FAM83F: variants seen among roughly 807,000 people sequenced by gnomAD.
FAM83F encodes the protein protein FAM83F.
In FAM83F, 45 loss-of-function variants were observed where a neutral mutation model predicts 42.9. That is an observed-to-expected ratio of 1.05 (90% CI 0.83 to 1.35). The LOEUF (loss-of-function observed/expected upper bound fraction) is 1.35, where lower values mean the gene tolerates loss of function less well. Among genes scored for constraint, FAM83F ranks in the 40% most tolerant of loss-of-function variants. The probability of loss-of-function intolerance (pLI) is 0.00; values close to 1 mark genes in which losing one functional copy is unlikely to be tolerated. For synonymous variants in FAM83F, 306 were observed against 298.3 expected, an observed-to-expected ratio of 1.03 and a Z score of -0.27; for missense variants, 617 against 695.9, an observed-to-expected ratio of 0.89 and a Z score of 1.28.
chr22:40,021,282 G>A lies in FAM83F; in HGVS notation c.780-8G>A, dbSNP rs1385858230. ...ATGTGTCTTGCTTTTCTGTCCCCACGTTCCCAGGTTCACCTGGAGTTCCTC... is the reference window on the plus strand; with the variant it reads ...ATGTGTCTTGCTTTTCTGTCCCCACATTCCCAGGTTCACCTGGAGTTCCTC... On this transcript the variant is annotated splice_polypyrimidine_tract_variant and splice_region_variant and intron_variant, in intron 3 of 4. Coordinates refer to ENST00000333407, the MANE Select transcript of FAM83F (RefSeq NM_138435.4). The surrounding 1 kb of genome is among the most constrained non-coding windows in gnomAD (Gnocchi z 8.7). The A allele has an allele frequency of 7.2e-6, 11 of 1,528,886 alleles. No homozygotes were observed. Among genetic ancestry groups the A allele is most frequent in the African/African-American group, 4.1e-5 (3 of 72,538 alleles). 94.7% of individuals were successfully genotyped at this position (1,528,886 alleles called of 1,614,324 possible). A position where few individuals can be genotyped will look rare whatever the true frequency, so the allele number is the denominator to read the frequency against.
chr22:40,020,177 G>A (rs2067512165), intron 3 of FAM83F, among the ~76,000 whole-genome samples, 169 bp downstream of exon 3: 1 of 152,150 alleles, frequency 6.6e-6, no homozygotes, highest in Admixed American at 6.6e-5. Context: ...CTTCCTGGTT[G>A]ATGGATTATT....
At chr22:40,007,621 C>CCTCCT (rs1196900924) in intron 1 of FAM83F, among the ~76,000 whole-genome samples, 9 of 116,822 alleles carry the variant, frequency 7.7e-5, no homozygotes, top group African/African-American at 2.1e-4. Context: ...CTCCTCTCTT[C>CCTCCT]CTCCTCTCCT....
At position 40,043,317 on chromosome 22, in the gene FAM83F, T is replaced by A. The variant is rs866341707; in HGVS notation, c.*13752T>A. 5 of 152,188 alleles carry A rather than the reference T, an allele frequency of 3.3e-5. No homozygotes were observed. Among genetic ancestry groups the A allele is most frequent in the Non-Finnish European group, 7.3e-5 (5 of 68,032 alleles). The allele number at this position is 152,188 out of a possible 1,614,324, so 9.4% of individuals were successfully genotyped here. On this transcript the variant is annotated 3_prime_UTR_variant, in exon 5 of 5. Coordinates refer to ENST00000333407, the MANE Select transcript of FAM83F (RefSeq NM_138435.4). Reference sequence around the variant, plus strand: ...TCCAGCGTTGTGCTCCTGGAGATCATTTCGGTCGCAAAAGCTCACTGGCAA... The same window carrying A: ...TCCAGCGTTGTGCTCCTGGAGATCAATTCGGTCGCAAAAGCTCACTGGCAA...
At chr22:40,012,672 A>G (rs2145715479) in intron 1 of FAM83F, among the ~76,000 whole-genome samples, 1 of 151,734 alleles carries the variant, frequency 6.6e-6, no homozygotes, top group Non-Finnish European at 1.5e-5. Flanking sequence ...CGGGAGGCTG[A>G]GGCACAAGAA....
At position 40,036,453 on chromosome 22, in the gene FAM83F, T is replaced by G. The variant is rs2067624501; in HGVS notation, c.*6888T>G. 6.6e-6 allele frequency: 1 copy of G among 152,246 alleles called. No homozygotes were observed. The highest frequency in any genetic ancestry group is 2.4e-5 in the African/African-American group (1 of 41,468). 9.4% of individuals were successfully genotyped at this position (152,246 alleles called of 1,614,324 possible). On this transcript the variant is annotated 3_prime_UTR_variant, in exon 5 of 5. Coordinates refer to ENST00000333407, the MANE Select transcript of FAM83F (RefSeq NM_138435.4). ...TCATCCTTAGAGGGCTGCGGTCTTA[T>G]CTGGTTGTGCAAAAGTCCCACAACC...
intron 1 of FAM83F, among the ~76,000 whole-genome samples, chr22:40,013,164 C>T (rs532970618): frequency 6.1e-4 from 91 of 149,346 alleles, no homozygotes; most frequent in Non-Finnish European, 9.9e-4. Context: ...ATGGTTTGTG[C>T]ATTTAAGAGA....
chr22:40,017,235 T>TTC (rs1228947917), intron 1 of FAM83F, among the ~76,000 whole-genome samples: 1 of 148,750 alleles, frequency 6.7e-6, no homozygotes, highest in African/African-American at 2.5e-5. Context: ...CTTTTTTTTT[T>TTC]TTTTTTTTTT....
chr22:39,995,663 C>CAGGAAGTAGGGGCGGG lies in FAM83F; in HGVS notation c.489+132_489+133insAGGAAGTAGGGGCGGG. ...CTGGAAAATGGGCCCCAACCCGCCC[C>CAGGAAGTAGGGGCGGG]TACTTCCTGGGGCTGCAGTGAGGCC... On this transcript the variant is annotated intron_variant, in intron 1 of 4. Transcript: ENST00000333407. The surrounding 1 kb of genome is among the most constrained non-coding windows in gnomAD (Gnocchi z 4.6). 1 of 1,390,172 alleles carries CAGGAAGTAGGGGCGGG rather than the reference C, an allele frequency of 7.2e-7. No homozygotes were observed. Among genetic ancestry groups the CAGGAAGTAGGGGCGGG allele is most frequent in the Non-Finnish European group, 9.5e-7 (1 of 1,058,162 alleles). The allele number at this position is 1,390,172 out of a possible 1,614,324, so 86.1% of individuals were successfully genotyped here. A position where few individuals can be genotyped will look rare whatever the true frequency, so the allele number is the denominator to read the frequency against.
At chr22:40,019,455 T>TCAA in intron 2 of FAM83F, 120 bp downstream of exon 2, 1 of 848,006 alleles carries the variant, frequency 1.2e-6, no homozygotes, top group Admixed American at 2.5e-5. Context: ...CTTCAAGATC[T>TCAA]CAACACCTTT....
intron 1 of FAM83F, among the ~76,000 whole-genome samples, chr22:40,004,973 C>T (rs1258762883): frequency 6.6e-6 from 1 of 152,210 alleles, no homozygotes; most frequent in Non-Finnish European, 1.5e-5. Flanking sequence ...GTGTACAAAA[C>T]TGGAGGCCCA....
At chr22:40,018,785 CA>C (rs1487013302) in intron 1 of FAM83F, among the ~76,000 whole-genome samples, 1 of 152,062 alleles carries the variant, frequency 6.6e-6, no homozygotes, top group Admixed American at 6.6e-5. Flanking sequence ...TAGAGGGTTT[CA>C]CCATGTTGGC....
At position 39,995,385 on chromosome 22, in the gene FAM83F, G is replaced by A. The variant is rs1013072222; in HGVS notation, c.343G>A (p.Glu115Lys). The change falls in exon 1 of 5, where the codon GAG (glutamate) becomes AAG (lysine). Residue 115 changes from glutamate to lysine, a missense_variant. Coordinates refer to ENST00000333407, the MANE Select transcript of FAM83F (RefSeq NM_138435.4). The surrounding 1 kb of genome is among the most constrained non-coding windows in gnomAD (Gnocchi z 4.6). ...LAYWPDRSDTEVPPLDLGWTD... is the reference protein window; with the variant it reads ...LAYWPDRSDTKVPPLDLGWTD... ...CTACTGGCCCGACCGTTCCGACACCGAGGTGCCTCCTCTGGACCTGGGCTG... is the reference window on the plus strand; with the variant it reads ...CTACTGGCCCGACCGTTCCGACACCAAGGTGCCTCCTCTGGACCTGGGCTG... The A allele has an allele frequency of 1.9e-6, 3 of 1,547,080 alleles. No individual in the cohort carries two copies. Among genetic ancestry groups the A allele is most frequent in the Admixed American group, 2.0e-5 (1 of 50,986 alleles).
intron 1 of FAM83F, among the ~76,000 whole-genome samples, chr22:39,998,289 G>A (rs1346191435): frequency 1.3e-5 from 2 of 152,172 alleles, no homozygotes; most frequent in Admixed American, 6.5e-5. Flanking sequence ...AGCAGGACAT[G>A]CACACATCCA....
rs1183071201 is a variant in FAM83F, at chr22:40,035,724, G to C, written c.*6159G>C. ...CCCCAGCAAGCAATTTCACATCCCCGAACTTTCCTGTTTCCTCATGTGTCA... is the reference window on the plus strand; with the variant it reads ...CCCCAGCAAGCAATTTCACATCCCCCAACTTTCCTGTTTCCTCATGTGTCA... On this transcript the variant is annotated 3_prime_UTR_variant, in exon 5 of 5. Transcript: ENST00000333407. 1 of 152,178 alleles carries C rather than the reference G, an allele frequency of 6.6e-6. No homozygotes were observed. The highest frequency in any genetic ancestry group is 1.5e-5 in the Non-Finnish European group (1 of 68,058). 9.4% of individuals were successfully genotyped at this position (152,178 alleles called of 1,614,324 possible). A position where few individuals can be genotyped will look rare whatever the true frequency, so the allele number is the denominator to read the frequency against.
At position 40,041,227 on chromosome 22, in the gene FAM83F, CA is replaced by C. The variant is rs1410942833; in HGVS notation, c.*11663del. On this transcript the variant is annotated 3_prime_UTR_variant, in exon 5 of 5. Coordinates refer to ENST00000333407, the MANE Select transcript of FAM83F (RefSeq NM_138435.4). The stretch of plus-strand genomic sequence containing the variant: ...AGCACAGCGCTCCAAGAACATAGTG[CA>C]CTTGGCCTGCATACAAGTGTGCAGG... 2.0e-5 allele frequency: 3 copies of C among 152,186 alleles called. No individual in the cohort carries two copies. The East Asian group carries it at 5.8e-4, about 29-fold the overall frequency. The allele number at this position is 152,186 out of a possible 1,614,324, so 9.4% of individuals were successfully genotyped here.
At chr22:39,997,004 T>C (rs2067376000) in intron 1 of FAM83F, among the ~76,000 whole-genome samples, 1 of 152,246 alleles carries the variant, frequency 6.6e-6, no homozygotes, top group Non-Finnish European at 1.5e-5. Flanking sequence ...TGCCATCCAC[T>C]GTGTTAATGA....
intron 1 of FAM83F, among the ~76,000 whole-genome samples, chr22:40,005,000 A>G (rs3021272): frequency 0.027 from 4,048 of 152,278 alleles, 173 homozygotes; most frequent in African/African-American, 0.093. Context: ...GTGGACTCAC[A>G]CTGTTTCCAT....
In FAM83F at chr22:40,008,060, G is replaced by C. The variant is rs544008554; in HGVS notation, c.490-11108G>C. Among the ~76,000 whole-genome samples, 4 of 152,218 alleles carry C rather than the reference G, an allele frequency of 2.6e-5. No homozygotes were observed. The East Asian group carries it at 5.8e-4, about 22-fold the overall frequency. ...ATTCAGCATATGGGTGTAGACACCCGGTATGGCTGGGTGAACGGTTCATCT... is the reference window on the plus strand; with the variant it reads ...ATTCAGCATATGGGTGTAGACACCCCGTATGGCTGGGTGAACGGTTCATCT... On this transcript the variant is annotated intron_variant, in intron 1 of 4. Transcript: ENST00000333407.
intron 4 of FAM83F, among the ~76,000 whole-genome samples, chr22:40,022,883 T>A (rs2067530254): frequency 6.6e-6 from 1 of 152,216 alleles, no homozygotes; most frequent in African/African-American, 2.4e-5. Context: ...CCTGCATTCC[T>A]GCACACCAGC....
Sources: allele counts gnomAD v4.1 joint callset (sites outside exome capture counted in the v4.1 genomes callset), GRCh38; gene constraint gnomAD v4.1.1; non-coding constraint Gnocchi (gnomAD v3.1); transcripts MANE v1.5; gene names NCBI Gene and HGNC (gene_info 2026-07-23, HGNC 2026-07-21).